The following CERS4 variants were observed in gnomAD, a reference collection of about 807,000 sequenced individuals.
CERS4 encodes the protein LAG1 homolog, ceramide synthase 4.
In CERS4, 65 loss-of-function variants were observed where a neutral mutation model predicts 51.8. The observed-to-expected ratio is 1.26, with a 90% CI of 1.03 to 1.54. The LOEUF is 1.54. CERS4 is among the 40% of genes most tolerant of loss of function. The pLI is 0.00. For missense variants in CERS4, 563 were observed against 500.4 expected (o/e 1.13, Z -1.19); for synonymous variants, 228 against 208.4 (o/e 1.09, Z -0.81).
chr19:8,257,000 T>C lies in CERS4; in HGVS notation c.664T>C (p.Phe222Leu), dbSNP rs750863025. 2 of 1,613,938 alleles carry C rather than the reference T, an allele frequency of 1.2e-6. No individual in the cohort carries two copies. Among genetic ancestry groups the C allele is most frequent in the South Asian group, 2.2e-5 (2 of 91,086 alleles). Residue 222 changes from phenylalanine to leucine, a missense_variant, in exon 9 of 12, where the codon TTC becomes CTC. Coordinates refer to ENST00000251363, the MANE Select transcript of CERS4 (RefSeq NM_024552.3). Reference sequence around the variant, plus strand: ...CTTCGTGGCGGTCATCCTGATGACCTTCTCCTACAGTGCCAACCTGCTGCG... The same window carrying C: ...CTTCGTGGCGGTCATCCTGATGACCCTCTCCTACAGTGCCAACCTGCTGCG... ...HHFVAVILMT[F>L]SYSANLLRIG...
intron 2 of CERS4, among the ~76,000 whole-genome samples, chr19:8,219,988 A>T (rs1910177718): frequency 1.6e-4 from 1 of 6,402 alleles, no homozygotes; most frequent in African/African-American, 2.4e-3. Context: ...GTTGTCTCTT[A>T]AAAAAAAAAA....
chr19:8,252,529 C>T (rs1421940725), intron 3 of CERS4, among the ~76,000 whole-genome samples: 1 of 151,974 alleles, frequency 6.6e-6, no homozygotes, highest in Non-Finnish European at 1.5e-5. Flanking sequence ...ACCTCTGCCT[C>T]CCAGGTTCAA....
intron 2 of CERS4, among the ~76,000 whole-genome samples, chr19:8,225,544 C>T (rs1480623012): frequency 1.3e-5 from 2 of 151,484 alleles, no homozygotes; most frequent in Admixed American, 1.3e-4. Flanking sequence ...CTGCCTCAGC[C>T]TCTCGAGTGG....
intron 2 of CERS4, among the ~76,000 whole-genome samples, chr19:8,240,105 ACAGT>A (rs1164913330): frequency 5.3e-5 from 8 of 152,014 alleles, no homozygotes; most frequent in South Asian, 2.1e-4. Flanking sequence ...GAATGATAAC[ACAGT>A]CAGACATGTA....
intron 2 of CERS4, among the ~76,000 whole-genome samples, chr19:8,238,853 C>G (rs983945460): frequency 6.6e-6 from 1 of 152,042 alleles, no homozygotes; most frequent in Non-Finnish European, 1.5e-5. Context: ...AATCCTAGCA[C>G]TTTGGGAAGC....
At chr19:8,256,201 C>T in intron 6 of CERS4, 35 bp from the exon 7 acceptor site, 1 of 1,597,430 alleles carries the variant, frequency 6.3e-7, no homozygotes, top group Non-Finnish European at 8.5e-7. Context: ...GTTGGATTCT[C>T]ACCTCTGCAC....
chr19:8,254,410 G>T (rs1353722117), intron 3 of CERS4, 89 bp from the exon 4 acceptor site: 4 of 1,247,962 alleles, frequency 3.2e-6, no homozygotes, highest in African/African-American at 1.5e-5. Flanking sequence ...CCGAGACTTG[G>T]TTATCCCACC....
At chr19:8,228,229 G>A (rs1282968818) in intron 2 of CERS4, among the ~76,000 whole-genome samples, 1 of 152,092 alleles carries the variant, frequency 6.6e-6, no homozygotes, top group Non-Finnish European at 1.5e-5. Flanking sequence ...AACGTGCCCT[G>A]CCAGAGTTTC....
At chr19:8,235,616 G>A (rs2145224082) in intron 2 of CERS4, among the ~76,000 whole-genome samples, 1 of 151,902 alleles carries the variant, frequency 6.6e-6, no homozygotes, top group South Asian at 2.1e-4. Flanking sequence ...GGCTGGGTGT[G>A]GTGGCTCATG....
rs1265218869 is a variant in CERS4 at position 8,238,437 on chromosome 19, G to GCA, written c.-1-12637_-1-12636dup. On this transcript the variant is annotated intron_variant, in intron 2 of 11. Transcript: ENST00000251363. ...AGGGCGGAGGCATGTTGGAAAAAGG[G>GCA]CACTGATGCAGAGGCCTGGAGGCTT... 5 of 876,692 alleles carry GCA rather than the reference G, an allele frequency of 5.7e-6. No individual in the cohort carries two copies. In the East Asian group the frequency reaches 6.0e-4, roughly 105 times the overall value. The allele number at this position is 876,692 out of a possible 1,614,324, so 54.3% of individuals were successfully genotyped here.
At position 8,261,973 on chromosome 19, in the gene CERS4, G is replaced by C. The variant is rs763129211; in HGVS notation, c.1049G>C (p.Ser350Thr). The C allele has an allele frequency of 6.2e-7, 1 of 1,603,472 alleles. No homozygotes were observed. The highest frequency in any genetic ancestry group is 1.7e-5 in the Admixed American group (1 of 57,482). ...IRSDVEESDS[S>T]EEAAAAQEPL... is the part of the protein sequence containing the mutation. ...AGTGATGTAGAAGAATCAGACTCCAGTGAGGAGGCGGCGGCGGCCCAGGAA... is the reference window on the plus strand; with the variant it reads ...AGTGATGTAGAAGAATCAGACTCCACTGAGGAGGCGGCGGCGGCCCAGGAA... Residue 350 changes from serine (S) to threonine (T), a missense_variant, in exon 12 of 12, where the codon AGT (serine) becomes ACT (threonine). Coordinates refer to ENST00000251363, the MANE Select transcript of CERS4 (RefSeq NM_024552.3).
At chr19:8,256,865 G>A (rs1157475238) in intron 8 of CERS4, 84 bp from the exon 9 acceptor site, 5 of 1,605,454 alleles carry the variant, frequency 3.1e-6, no homozygotes, top group African/African-American at 2.7e-5. Flanking sequence ...CCAACCCCCT[G>A]AAAGGACCCA....
chr19:8,211,318 C>G (rs980471883), intron 2 of CERS4, among the ~76,000 whole-genome samples: 17 of 152,156 alleles, frequency 1.1e-4, no homozygotes, highest in African/African-American at 4.1e-4. Context: ...TGGGAGCTCG[C>G]TGCCCTGTCC....
rs1440210671 is a variant in CERS4 at position 8,254,416 on chromosome 19, C to G, written c.174-83C>G. 1.4e-5 allele frequency: 18 copies of G among 1,316,166 alleles called. No homozygotes were observed. The East Asian group carries it at 4.1e-4, about 30-fold the overall frequency. The allele number at this position is 1,316,166 out of a possible 1,614,324, so 81.5% of individuals were successfully genotyped here. On this transcript the variant is annotated intron_variant, in intron 3 of 11. Coordinates refer to ENST00000251363, the MANE Select transcript of CERS4 (RefSeq NM_024552.3). ...TTTGCCCCTCCGAGACTTGGTTATC[C>G]CACCGGCAGCATGTCTGCCCCCACA...
chr19:8,250,928 G>A, intron 2 of CERS4, 148 bp from the exon 3 acceptor site: 2 of 1,460,572 alleles, frequency 1.4e-6, no homozygotes, highest in Non-Finnish European at 1.8e-6. Context: ...CAGGCAAGGG[G>A]AGTTCCATCT....
At chr19:8,235,890 C>A (rs1333292766) in intron 2 of CERS4, among the ~76,000 whole-genome samples, 2 of 150,218 alleles carry the variant, frequency 1.3e-5, no homozygotes, top group Admixed American at 6.6e-5. Flanking sequence ...GAGCAAGACC[C>A]TATCCCAAAA....
intron 2 of CERS4, 121 bp from the exon 3 acceptor site, chr19:8,250,955 G>C (rs1969045798): frequency 6.8e-7 from 1 of 1,473,754 alleles, no homozygotes; most frequent in Non-Finnish European, 9.0e-7. Flanking sequence ...CCTGCCTCCT[G>C]GTTGTCAACT....
rs1164276053 is a variant in CERS4 at position 8,257,852 on chromosome 19, C to T, written c.742-27C>T. ...TTGAGACCAGGGCCCTGGTCCTGAG[C>T]CCATTTCTCCCTGCTGCCCTTTCCA... On this transcript the variant is annotated intron_variant, in intron 9 of 11. Coordinates refer to ENST00000251363, the MANE Select transcript of CERS4 (RefSeq NM_024552.3). 19 of 1,578,794 alleles carry T rather than the reference C, an allele frequency of 1.2e-5. 1 individual carries two copies. The Admixed American group carries it at 1.3e-4, about 11-fold the overall frequency.
intron 2 of CERS4, among the ~76,000 whole-genome samples, chr19:8,236,551 C>T (rs1055107565): frequency 2.0e-4 from 31 of 151,282 alleles, no homozygotes; most frequent in East Asian, 9.8e-4. Context: ...TGGTGGCACC[C>T]GCCTGTAGTC....
Sources: allele counts gnomAD v4.1 joint callset (sites outside exome capture counted in the v4.1 genomes callset), GRCh38; gene constraint gnomAD v4.1.1; transcripts MANE v1.5; gene names NCBI Gene and HGNC (gene_info 2026-07-23, HGNC 2026-07-21).